Variants in ZNF174 observed in about 807,000 individuals in gnomAD.
The protein encoded by ZNF174 is zinc finger protein 174, also known as AW-1.
Under a neutral mutation model 38.7 loss-of-function variants are expected in ZNF174, and 30 were observed. The observed-to-expected ratio is 0.78, with a 90% confidence interval of 0.58 to 1.05. ZNF174 has a LOEUF of 1.05. ZNF174 is among the 50% of genes least tolerant of loss of function. The pLI is 0.00. For missense variants in ZNF174, 499 were observed against 495.6 expected (o/e 1.01, Z -0.06); for synonymous variants, 201 against 181.7 (o/e 1.11, Z -0.86).
At position 3,402,426 on chromosome 16, in the gene ZNF174, A is replaced by C; in HGVS notation, c.402+20A>C. Reference sequence around the variant, plus strand: ...CAGTGGGTAAGGAGGGTCCTCTCCCATCATCCTGGGGATTTCTTTTTCTTT... The same window carrying C: ...CAGTGGGTAAGGAGGGTCCTCTCCCCTCATCCTGGGGATTTCTTTTTCTTT... On this transcript the variant is annotated intron_variant, in intron 1 of 2. Coordinates refer to ENST00000268655, the MANE Select transcript of ZNF174 (RefSeq NM_003450.3). 6.3e-7 allele frequency: 1 copy of C among 1,576,416 alleles called. No homozygotes were observed. The highest frequency in any genetic ancestry group is 8.6e-7 in the Non-Finnish European group (1 of 1,167,832).
intron 1 of ZNF174, among the ~76,000 whole-genome samples, chr16:3,404,167 C>T (rs2034015677): frequency 6.6e-6 from 1 of 152,118 alleles, no homozygotes. Flanking sequence ...CAGCAACTAC[C>T]CTGATGACTT....
At chr16:3,406,107 A>G (rs544621657) in intron 2 of ZNF174, among the ~76,000 whole-genome samples, 1 of 152,364 alleles carries the variant, frequency 6.6e-6, no homozygotes, top group East Asian at 1.9e-4. Flanking sequence ...ATGCTGTAGC[A>G]TCAATCAGTG....
Position 3,404,656 on chromosome 16 carries a change from C to G in ZNF174, c.625+8C>G, listed in dbSNP as rs2034026338. 2 of 1,613,962 alleles carry G rather than the reference C, an allele frequency of 1.2e-6. No homozygotes were observed. The highest frequency in any genetic ancestry group is 2.7e-5 in the African/African-American group (2 of 74,946). ...CCAAATTGGCTGGGACAGGTAAACA[C>G]TCTGCCTTTTCTCTCCCTCTCATCA... On this transcript the variant is annotated splice_region_variant and intron_variant, in intron 2 of 2. Coordinates refer to ENST00000268655, the MANE Select transcript of ZNF174 (RefSeq NM_003450.3).
rs531886926 is a variant in ZNF174 at position 3,401,703 on chromosome 16, A to G, written c.-302A>G. 4 of 302,708 alleles carry G rather than the reference A, an allele frequency of 1.3e-5. No individual in the cohort carries two copies. The highest frequency in any genetic ancestry group is 2.3e-5 in the African/African-American group (1 of 43,936). 18.8% of individuals were successfully genotyped at this position (302,708 alleles called of 1,614,324 possible). On this transcript the variant is annotated 5_prime_UTR_variant, in exon 1 of 3. Coordinates refer to ENST00000268655, the MANE Select transcript of ZNF174 (RefSeq NM_003450.3). ...TAAATCCGAGACCTGTGTGCTTGCT[A>G]CTGAAATAAAAGAAGTATTTTTTCC...
At chr16:3,405,141 T>C in intron 2 of ZNF174, 1 of 1,376,858 alleles carries the variant, frequency 7.3e-7, no homozygotes. Flanking sequence ...GGCCTTGTTC[T>C]ACACAGTCCT....
rs2034020667 is a variant in ZNF174 at position 3,404,454 on chromosome 16, T to A, written c.431T>A (p.Val144Glu). Residue 144 changes from valine to glutamate, a missense_variant, in exon 2 of 3, where the codon GTG becomes GAG. Val to Glu is a moderately radical substitution (Grantham distance 121). Coordinates refer to ENST00000268655, the MANE Select transcript of ZNF174 (RefSeq NM_003450.3). ...GCCGTTTGTATGCAGGGGCAAAAGG[T>A]GCTCTTGGAGAAAACTGGATCTCAG... Reference protein sequence around the residue: ...WVAVCMQGQKVLLEKTGSQLG... With the variant: ...WVAVCMQGQKELLEKTGSQLG... The A allele has an allele frequency of 1.2e-6, 2 of 1,609,488 alleles. No individual in the cohort carries two copies. Among genetic ancestry groups the A allele is most frequent in the Non-Finnish European group, 1.7e-6 (2 of 1,176,492 alleles).
rs2034024807 is a variant in ZNF174, at chr16:3,404,600, G to A, written c.577G>A (p.Glu193Lys). 6.2e-7 allele frequency: 1 copy of A among 1,614,196 alleles called. No individual in the cohort carries two copies. The highest frequency in any genetic ancestry group is 2.2e-5 in the East Asian group (1 of 44,882). The change falls in exon 2 of 3, where the codon GAG becomes AAG. Residue 193 changes from glutamate (E) to lysine (K), a missense_variant. Coordinates refer to ENST00000268655, the MANE Select transcript of ZNF174 (RefSeq NM_003450.3). ...AYDRLSPHHWEKSPLLQEPTP... is the reference protein window; with the variant it reads ...AYDRLSPHHWKKSPLLQEPTP... ...TGACCGGCTGAGCCCCCATCATTGG[G>A]AGAAATCCCCACTCCTCCAAGAACC...
At chr16:3,403,913 G>A (rs920273212) in intron 1 of ZNF174, among the ~76,000 whole-genome samples, 16 of 152,274 alleles carry the variant, frequency 1.1e-4, no homozygotes, top group East Asian at 1.9e-4. Context: ...CAGGTACTTC[G>A]GAAAATAGAA....
intron 2 of ZNF174, chr16:3,405,218 T>A: frequency 1.4e-6 from 1 of 727,916 alleles, no homozygotes. Flanking sequence ...CAAGATACAG[T>A]GAGCACGTTA....
intron 2 of ZNF174, among the ~76,000 whole-genome samples, chr16:3,406,522 C>T (rs1266566751): frequency 6.6e-6 from 1 of 152,168 alleles, no homozygotes; most frequent in Non-Finnish European, 1.5e-5. Context: ...TTTACATTTC[C>T]CTAGTGACTA....
chr16:3,408,825 C>A lies in ZNF174; in HGVS notation c.1130C>A (p.Thr377Asn). The change falls in exon 3 of 3, where the codon ACT becomes AAT. Residue 377 changes from threonine to asparagine, a missense_variant. Physicochemically the swap from Thr to Asn is moderately conservative, Grantham distance 65. Transcript: ENST00000268655. The stretch of plus-strand genomic sequence containing the variant: ...CTGAAGCTGCACCAGAGGATCCACA[C>A]TGGAGAGAAGCCATACCAGTGTGGC... ...STLKLHQRIHTGEKPYQCGQC... is the reference protein window; with the variant it reads ...STLKLHQRIHNGEKPYQCGQC... 6.2e-7 allele frequency: 1 copy of A among 1,614,180 alleles called. No homozygotes were observed. Among genetic ancestry groups the A allele is most frequent in the Non-Finnish European group, 8.5e-7 (1 of 1,180,034 alleles).
In ZNF174 at chr16:3,409,072, A is replaced by T. The variant is rs2034093302; in HGVS notation, c.*153A>T. 1 of 872,052 alleles carries T rather than the reference A, an allele frequency of 1.1e-6. No homozygotes were observed. Among genetic ancestry groups the T allele is most frequent in the East Asian group, 2.5e-5 (1 of 40,668 alleles). 54.0% of individuals were successfully genotyped at this position (872,052 alleles called of 1,614,324 possible). On this transcript the variant is annotated 3_prime_UTR_variant, in exon 3 of 3. Coordinates refer to ENST00000268655, the MANE Select transcript of ZNF174 (RefSeq NM_003450.3). ...CACATTCTGCTGTGAGGAGGCCCAG[A>T]AAAGGCCAACCAGGGCCCAACCGTG...
In ZNF174 at chr16:3,408,711, C is replaced by T. The variant is rs1429691861; in HGVS notation, c.1016C>T (p.Ser339Leu). 1 of 1,614,130 alleles carries T rather than the reference C, an allele frequency of 6.2e-7. No individual in the cohort carries two copies. The highest frequency in any genetic ancestry group is 1.7e-5 in the Admixed American group (1 of 60,004). ...DDCGKSFTWNSELKRHKRVHT... is the reference protein window; with the variant it reads ...DDCGKSFTWNLELKRHKRVHT... ...TGTGGGAAAAGCTTCACGTGGAATTCAGAGCTGAAGAGACACAAGAGAGTC... is the reference window on the plus strand; with the variant it reads ...TGTGGGAAAAGCTTCACGTGGAATTTAGAGCTGAAGAGACACAAGAGAGTC... The change falls in exon 3 of 3, where the codon TCA becomes TTA. Residue 339 changes from serine to leucine, a missense_variant. Coordinates refer to ENST00000268655, the MANE Select transcript of ZNF174 (RefSeq NM_003450.3).
intron 1 of ZNF174, among the ~76,000 whole-genome samples, chr16:3,403,720 C>T (rs2034005129): frequency 6.6e-6 from 1 of 152,022 alleles, no homozygotes; most frequent in Admixed American, 6.6e-5. Flanking sequence ...TTCTTGGGCC[C>T]AGGCGATCCG....
rs915473019 is a variant in ZNF174 at position 3,401,946 on chromosome 16, G to A, written c.-59G>A. 1.4e-5 allele frequency: 22 copies of A among 1,577,622 alleles called. No homozygotes were observed. The African/African-American group carries it at 2.6e-4, about 19-fold the overall frequency. ...TCTAGTATTCAGAGACTTCTCCAGG[G>A]TCATGATCCCAAAGGCTTAACCCGT... is the stretch of plus-strand genomic sequence containing the variant. On this transcript the variant is annotated 5_prime_UTR_variant, in exon 1 of 3. Transcript: ENST00000268655.
chr16:3,404,743 T>G (rs762886507), intron 2 of ZNF174, 95 bp downstream of exon 2: 104 of 1,544,126 alleles, frequency 6.7e-5, no homozygotes, highest in Middle Eastern at 1.7e-4. Flanking sequence ...ATGTGTGTGT[T>G]TTTTTAAATG....
chr16:3,407,140 G>A (rs1313858387), intron 2 of ZNF174, among the ~76,000 whole-genome samples: 8 of 152,246 alleles, frequency 5.3e-5, no homozygotes, highest in South Asian at 2.1e-4. Flanking sequence ...GGTGTCTGGC[G>A]AGGGCCCATT....
rs2034081543 is a variant in ZNF174, at chr16:3,408,326, C to A, written c.631C>A (p.Pro211Thr). 6.3e-7 allele frequency: 1 copy of A among 1,577,554 alleles called. No individual in the cohort carries two copies. Among genetic ancestry groups the A allele is most frequent in the African/African-American group, 1.4e-5 (1 of 72,954 alleles). ...CATTTTCTTTCTAATTATAGAGGCC[C>A]CCAGAATGAGAAGTGACAACAAGGA... ...PTPKLAGTEAPRMRSDNKENP... is the reference protein window; with the variant it reads ...PTPKLAGTEATRMRSDNKENP... Residue 211 changes from proline to threonine, a missense_variant, in exon 3 of 3, where the codon CCC becomes ACC. Transcript: ENST00000268655.
chr16:3,407,446 AAAGC>A (rs2034070705), intron 2 of ZNF174, among the ~76,000 whole-genome samples: 1 of 152,254 alleles, frequency 6.6e-6, no homozygotes, highest in Non-Finnish European at 1.5e-5. Flanking sequence ...GTCTTGTCAA[AAAGC>A]AATTGACCCT....
Sources: allele counts gnomAD v4.1 joint callset (sites outside exome capture counted in the v4.1 genomes callset), GRCh38; gene constraint gnomAD v4.1.1; transcripts MANE v1.5; gene names NCBI Gene and HGNC (gene_info 2026-07-23, HGNC 2026-07-21).